Variants in DEF6 observed in about 807,000 individuals in gnomAD.
The protein encoded by DEF6 is differentially expressed in FDCP 6 homolog.
In DEF6, 32 loss-of-function variants were observed where a neutral mutation model predicts 80.5. That is an observed-to-expected ratio of 0.40 (90% CI 0.30 to 0.53). DEF6 has a LOEUF of 0.53. Among genes scored for constraint, DEF6 ranks in the 20% least tolerant of loss-of-function variants. DEF6 has a pLI of 0.57. For synonymous variants in DEF6, 300 were observed against 337.9 expected (o/e 0.89, Z 1.23); for missense variants, 575 against 818.7 (o/e 0.70, Z 3.63).
Position 35,321,318 on chromosome 6 carries a change from G to A in DEF6, c.1804G>A (p.Glu602Lys). The A allele has an allele frequency of 6.2e-7, 1 of 1,614,118 alleles. No homozygotes were observed. Among genetic ancestry groups the A allele is most frequent in the Non-Finnish European group, 8.5e-7 (1 of 1,180,014 alleles). The change falls in exon 11 of 11, where the codon GAG becomes AAG. Residue 602 changes from glutamate (E) to lysine (K), a missense_variant. Glu to Lys is a moderately conservative substitution (Grantham distance 56). Transcript: ENST00000316637. The stretch of plus-strand genomic sequence containing the variant: ...CAGGACCCCCTCGCCCAACAGCAAT[G>A]AGCAGCAGAAGTCCCTCAATGGTGG... ...GNRTPSPNSN[E>K]QQKSLNGGDE...
At chr6:35,311,651 G>A (rs918243439) in intron 3 of DEF6, among the ~76,000 whole-genome samples, 13 of 152,138 alleles carry the variant, frequency 8.5e-5, no homozygotes, top group Admixed American at 1.3e-4. Flanking sequence ...TTGCTTCTGC[G>A]ATCAACATAC....
chr6:35,317,884 G>C lies in DEF6; in HGVS notation c.808-7G>C, dbSNP rs780740691. 6.2e-7 allele frequency: 1 copy of C among 1,612,132 alleles called. No homozygotes were observed. The highest frequency in any genetic ancestry group is 8.5e-7 in the Non-Finnish European group (1 of 1,179,264). On this transcript the variant is annotated splice_polypyrimidine_tract_variant and splice_region_variant and intron_variant, in intron 5 of 10. Coordinates refer to ENST00000316637, the MANE Select transcript of DEF6 (RefSeq NM_022047.4). ...CAGCCTGGCTGCGGCCACCTACCCTGTGCCAGGTGCTGCCAGACCGCGACG... is the reference window on the plus strand; with the variant it reads ...CAGCCTGGCTGCGGCCACCTACCCTCTGCCAGGTGCTGCCAGACCGCGACG...
At chr6:35,304,475 A>C (rs1791365926) in intron 1 of DEF6, among the ~76,000 whole-genome samples, 1 of 152,220 alleles carries the variant, frequency 6.6e-6, no homozygotes, top group East Asian at 1.9e-4. Context: ...GTAAGTGCAA[A>C]GGCCCTTGGG....
rs1180708447 is a variant in DEF6 at position 35,317,974 on chromosome 6, G to A, written c.891G>A (p.Thr297=). 1 of 1,613,756 alleles carries A rather than the reference G, an allele frequency of 6.2e-7. No individual in the cohort carries two copies. The highest frequency in any genetic ancestry group is 1.3e-5 in the African/African-American group (1 of 75,048). Residue 297 remains threonine, a synonymous_variant, in exon 6 of 11, where the codon ACG becomes ACA. Coordinates refer to ENST00000316637, the MANE Select transcript of DEF6 (RefSeq NM_022047.4). ...NRTYEMSASD[T]RQRQEWTAAI... Reference sequence around the variant, plus strand: ...CGTATGAGATGAGCGCCTCAGACACGCGCCAGCGCCAGGAGTGGACAGCTG... The same window carrying A: ...CGTATGAGATGAGCGCCTCAGACACACGCCAGCGCCAGGAGTGGACAGCTG...
chr6:35,319,471 C>A lies in DEF6; in HGVS notation c.1216-53C>A. The A allele has an allele frequency of 6.7e-7, 1 of 1,484,742 alleles. No homozygotes were observed. Among genetic ancestry groups the A allele is most frequent in the Non-Finnish European group, 9.2e-7 (1 of 1,090,168 alleles). The allele number at this position is 1,484,742 out of a possible 1,614,324, so 92.0% of individuals were successfully genotyped here. On this transcript the variant is annotated intron_variant, in intron 7 of 10. Coordinates refer to ENST00000316637, the MANE Select transcript of DEF6 (RefSeq NM_022047.4). The surrounding 1 kb of genome is among the most constrained non-coding windows in gnomAD (Gnocchi z 4.5). Reference sequence around the variant, plus strand: ...CATGCCCACCCCCTCCTCCTCCGCCCCCACGTGCCCCTTTTGACCTGGCTC... The same window carrying A: ...CATGCCCACCCCCTCCTCCTCCGCCACCACGTGCCCCTTTTGACCTGGCTC...
chr6:35,302,723 A>G (rs1582226703), intron 1 of DEF6, among the ~76,000 whole-genome samples: 1 of 152,082 alleles, frequency 6.6e-6, no homozygotes, highest in African/African-American at 2.4e-5. Context: ...ACTTGTGAAA[A>G]ATACACCTGG....
At position 35,318,681 on chromosome 6, in the gene DEF6, T is replaced by C. The variant is rs1430826822; in HGVS notation, c.1215+210T>C. Among the ~76,000 whole-genome samples the C allele has an allele frequency of 6.6e-6, 1 of 151,556 alleles. No individual in the cohort carries two copies. Among genetic ancestry groups the C allele is most frequent in the Non-Finnish European group, 1.5e-5 (1 of 67,850 alleles). ...TGGGGCTTCCGCCAGGGACAGAACC[T>C]GGGGCTAGGAAAGGGGTGTGGGGCG... On this transcript the variant is annotated intron_variant, in intron 7 of 10. Coordinates refer to ENST00000316637, the MANE Select transcript of DEF6 (RefSeq NM_022047.4). The surrounding 1 kb of genome is among the most constrained non-coding windows in gnomAD (Gnocchi z 5.1).
At position 35,303,519 on chromosome 6, in the gene DEF6, A is replaced by T. The variant is rs1295581758; in HGVS notation, c.96+5567A>T. On this transcript the variant is annotated intron_variant, in intron 1 of 10. Coordinates refer to ENST00000316637, the MANE Select transcript of DEF6 (RefSeq NM_022047.4). ...CATCCATTAGGTGCCAGGCCCCGTG[A>T]TACCACAGTGAAAAAAACGCAAATG... Among the ~76,000 whole-genome samples, 9 of 152,346 alleles carry T rather than the reference A, an allele frequency of 5.9e-5. No homozygotes were observed. In the East Asian group the frequency reaches 1.7e-3, roughly 29 times the overall value.
At chr6:35,308,819 C>T (rs1224493220) in intron 1 of DEF6, among the ~76,000 whole-genome samples, 3 of 151,966 alleles carry the variant, frequency 2.0e-5, no homozygotes, top group African/African-American at 7.3e-5. Context: ...GGTAAGTGTG[C>T]AATAGTAACT....
At chr6:35,316,655 G>A (rs996727239) in intron 5 of DEF6, among the ~76,000 whole-genome samples, 1 of 152,154 alleles carries the variant, frequency 6.6e-6, no homozygotes, top group Non-Finnish European at 1.5e-5. Flanking sequence ...CTATTGAAAT[G>A]ATCATATATG....
Position 35,318,496 on chromosome 6 carries a change from G to A in DEF6, c.1215+25G>A, listed in dbSNP as rs996806204. On this transcript the variant is annotated intron_variant, in intron 7 of 10. Transcript: ENST00000316637. This position sits in a 1 kb window ranked among gnomAD's most constrained non-coding sequence, Gnocchi z 5.1. ...GGTGGGGTTAGCTCCCGGCGCCGGG[G>A]ACGGGACCGGTGGGCTGGGAGGCTG... 2 of 1,374,808 alleles carry A rather than the reference G, an allele frequency of 1.5e-6. No homozygotes were observed. The highest frequency in any genetic ancestry group is 1.5e-5 in the African/African-American group (1 of 65,184). 85.2% of individuals were successfully genotyped at this position (1,374,808 alleles called of 1,614,324 possible).
At position 35,310,444 on chromosome 6, in the gene DEF6, C is replaced by T; in HGVS notation, c.238-15C>T. 1 of 1,611,890 alleles carries T rather than the reference C, an allele frequency of 6.2e-7. No homozygotes were observed. The highest frequency in any genetic ancestry group is 1.1e-5 in the South Asian group (1 of 91,078). On this transcript the variant is annotated splice_polypyrimidine_tract_variant and intron_variant, in intron 2 of 10. Transcript: ENST00000316637. Reference sequence around the variant, plus strand: ...CTGAGATATGCAGTCAGCTGATTTGCAGCCCTGGTGGCAGGTGGAGGAGGG... The same window carrying T: ...CTGAGATATGCAGTCAGCTGATTTGTAGCCCTGGTGGCAGGTGGAGGAGGG...
rs758836474 is a variant in DEF6, at chr6:35,319,631, C to T, written c.1323C>T (p.Ala441=). The T allele has an allele frequency of 6.8e-6, 11 of 1,613,562 alleles. No homozygotes were observed. Among genetic ancestry groups the T allele is most frequent in the South Asian group, 1.1e-5 (1 of 91,040 alleles). The change falls in exon 8 of 11, where the codon GCC becomes GCT. Residue 441 remains alanine, a synonymous_variant. Coordinates refer to ENST00000316637, the MANE Select transcript of DEF6 (RefSeq NM_022047.4). The surrounding 1 kb of genome is among the most constrained non-coding windows in gnomAD (Gnocchi z 4.5). ...AGATGCAGCAGCGGTTGCAGGAGGC[C>T]CTGCAACTAGAGGTGAAAGCTCGGC... ...LEEMQQRLQE[A]LQLEVKARRD...
In DEF6 at chr6:35,318,617, T is replaced by C. The variant is rs1791552089; in HGVS notation, c.1215+146T>C. ...GGGTGGAGCTTGAAATGAGGGATTG[T>C]TGGGACAGAGTCCGCGGGTTTGAAA... is the stretch of plus-strand genomic sequence containing the variant. On this transcript the variant is annotated intron_variant, in intron 7 of 10. Coordinates refer to ENST00000316637, the MANE Select transcript of DEF6 (RefSeq NM_022047.4). The surrounding 1 kb of genome is among the most constrained non-coding windows in gnomAD (Gnocchi z 5.1). 2 of 767,668 alleles carry C rather than the reference T, an allele frequency of 2.6e-6. No homozygotes were observed. Among genetic ancestry groups the C allele is most frequent in the African/African-American group, 1.8e-5 (1 of 54,222 alleles). 47.6% of individuals were successfully genotyped at this position (767,668 alleles called of 1,614,324 possible).
At chr6:35,307,919 A>T (rs775516604) in intron 1 of DEF6, among the ~76,000 whole-genome samples, 3 of 152,224 alleles carry the variant, frequency 2.0e-5, no homozygotes, top group Admixed American at 6.5e-5. Context: ...AACTGATTCC[A>T]AGGTGAACTG....
At chr6:35,303,729 G>A (rs976866796) in intron 1 of DEF6, among the ~76,000 whole-genome samples, 1 of 152,202 alleles carries the variant, frequency 6.6e-6, no homozygotes, top group Non-Finnish European at 1.5e-5. Flanking sequence ...GGGCAGGGTA[G>A]CTCACACCTG....
rs1003162195 is a variant in DEF6, at chr6:35,319,398, C to G, written c.1216-126C>G. ...CAGAAAGGGGTCAGATCAGGAAACC[C>G]CAACATGAAGGAGTTCCCCAGACCC... On this transcript the variant is annotated intron_variant, in intron 7 of 10. Coordinates refer to ENST00000316637, the MANE Select transcript of DEF6 (RefSeq NM_022047.4). This position sits in a 1 kb window ranked among gnomAD's most constrained non-coding sequence, Gnocchi z 4.5. The G allele has an allele frequency of 1.5e-6, 1 of 677,874 alleles. No individual in the cohort carries two copies. The allele number at this position is 677,874 out of a possible 1,614,324, so 42.0% of individuals were successfully genotyped here. A position where few individuals can be genotyped will look rare whatever the true frequency, so the allele number is the denominator to read the frequency against.
chr6:35,304,248 G>A (rs1791363634), intron 1 of DEF6, among the ~76,000 whole-genome samples: 1 of 152,198 alleles, frequency 6.6e-6, no homozygotes, highest in Admixed American at 6.5e-5. Flanking sequence ...CTGAGCCAGG[G>A]CGGTCGAGGC....
rs548902362 is a variant in DEF6, at chr6:35,306,994, T to A, written c.97-2676T>A. 2.0e-5 allele frequency among the ~76,000 whole-genome samples: 3 copies of A among 152,390 alleles called. No individual in the cohort carries two copies. The East Asian group carries it at 5.8e-4, about 29-fold the overall frequency. The stretch of plus-strand genomic sequence containing the variant: ...ACAGTGGTTCCTGACATGGTATACC[T>A]GTTTCCTACTGGAAGAGCCTCAGTT... On this transcript the variant is annotated intron_variant, in intron 1 of 10. Transcript: ENST00000316637.
Sources: allele counts gnomAD v4.1 joint callset (sites outside exome capture counted in the v4.1 genomes callset), GRCh38; gene constraint gnomAD v4.1.1; non-coding constraint Gnocchi (gnomAD v3.1); transcripts MANE v1.5; gene names NCBI Gene and HGNC (gene_info 2026-07-23, HGNC 2026-07-21).